Variants in MYO5B observed in about 807,000 individuals in gnomAD.
MYO5B encodes unconventional myosin-Vb.
In MYO5B, 143 loss-of-function variants were observed where a neutral mutation model predicts 229.3. That is an observed-to-expected ratio of 0.62 (90% confidence interval 0.54 to 0.72). The LOEUF (loss-of-function observed/expected upper bound fraction) is 0.72, where lower values mean the gene tolerates loss of function less well. Ranked by LOEUF, MYO5B falls within the 30% of genes least tolerant of loss-of-function variation. MYO5B has a pLI of 0.00. For missense variants in MYO5B, 2,321 were observed against 2,331.0 expected (o/e 1.00, Z 0.09); for synonymous variants, 918 against 885.2 (o/e 1.04, Z -0.66).
chr18:50,120,643 G>C (rs1243120320), intron 1 of MYO5B, among the ~76,000 whole-genome samples: 1 of 152,162 alleles, frequency 6.6e-6, no homozygotes, highest in East Asian at 1.9e-4. Context: ...TGAGTAAGCT[G>C]CTCGACCTCA....
At chr18:50,188,391 C>T (rs2033178508) in intron 1 of MYO5B, among the ~76,000 whole-genome samples, 1 of 152,170 alleles carries the variant, frequency 6.6e-6, no homozygotes, top group Non-Finnish European at 1.5e-5. Context: ...TATGTGCACT[C>T]CTCTAATGAC....
chr18:49,988,191 G>A (rs1439806179), intron 7 of MYO5B, among the ~76,000 whole-genome samples: 1 of 152,172 alleles, frequency 6.6e-6, no homozygotes. Flanking sequence ...ATATGAAGCA[G>A]GTCCAAATAT....
chr18:49,953,528 T>C (rs1246923446), intron 13 of MYO5B, among the ~76,000 whole-genome samples, 185 bp from the exon 14 acceptor site: 2 of 152,216 alleles, frequency 1.3e-5, no homozygotes, highest in Admixed American at 1.3e-4. Context: ...AACTGAGTAT[T>C]CATTTTGTGG....
At chr18:50,172,242 T>C (rs960981895) in intron 1 of MYO5B, among the ~76,000 whole-genome samples, 10 of 145,300 alleles carry the variant, frequency 6.9e-5, no homozygotes, top group African/African-American at 2.6e-4. Flanking sequence ...GATCACGCCA[T>C]TGCACTCCAG....
At chr18:49,967,147 G>A (rs1383196040) in intron 10 of MYO5B, among the ~76,000 whole-genome samples, 1 of 152,120 alleles carries the variant, frequency 6.6e-6, no homozygotes, top group Non-Finnish European at 1.5e-5. Flanking sequence ...CTGAAATGTG[G>A]CATCTGGTCT....
chr18:49,864,347 T>G lies in MYO5B; in HGVS notation c.3637A>C (p.Lys1213Gln), dbSNP rs1187307468. The change falls in exon 28 of 40, where the codon AAG becomes CAG. Residue 1213 changes from lysine to glutamine, a missense_variant. Lys to Gln is a moderately conservative substitution (Grantham distance 53). Around this residue, in one of 2 missense-constraint regions of MYO5B, gnomAD observed 2,113 missense variants for 2,044.7 expected, o/e 1.03. Coordinates refer to ENST00000285039, the MANE Select transcript of MYO5B (RefSeq NM_001080467.3). The stretch of plus-strand genomic sequence containing the variant: ...TTCCTCAGCTCATTCAGGTCATTCT[T>G]CAGCTTTTTGTTCTCTGACTCCAGC... ...QELESENKKL[K>Q]NDLNELRKAV... The G allele has an allele frequency of 6.2e-7, 1 of 1,613,878 alleles. No individual in the cohort carries two copies. Among genetic ancestry groups the G allele is most frequent in the African/African-American group, 1.3e-5 (1 of 74,948 alleles).
intron 5 of MYO5B, among the ~76,000 whole-genome samples, chr18:49,998,334 CATTT>C (rs910408476): frequency 6.6e-6 from 1 of 152,142 alleles, no homozygotes; most frequent in Non-Finnish European, 1.5e-5. Flanking sequence ...ACCACTGTAG[CATTT>C]ATTTACATGA....
intron 5 of MYO5B, among the ~76,000 whole-genome samples, chr18:49,999,629 C>T (rs1391810807): frequency 6.6e-6 from 1 of 152,200 alleles, no homozygotes; most frequent in Non-Finnish European, 1.5e-5. Context: ...TATCAGCAGG[C>T]TGTAGTATTA....
chr18:50,048,017 A>C (rs2030284536), intron 2 of MYO5B, among the ~76,000 whole-genome samples: 1 of 151,896 alleles, frequency 6.6e-6, no homozygotes, highest in East Asian at 1.9e-4. Context: ...GCAGCACACC[A>C]ACATGGCACA....
chr18:50,178,712 C>T (rs562619164), intron 1 of MYO5B, among the ~76,000 whole-genome samples: 2 of 152,178 alleles, frequency 1.3e-5, no homozygotes, highest in Admixed American at 6.5e-5. Context: ...CTTTGGCCAG[C>T]ATTTAGGCAG....
chr18:49,902,774 G>T lies in MYO5B; in HGVS notation c.2631C>A (p.Arg877=). ...CATCCCGCAGCCGCTGGAAGTGCCT[G>T]CGTGCCATCCAGCCCCGCACGTGCT... ...IQKHVRGWMA[R]RHFQRLRDAA... Residue 877 remains arginine (R), a synonymous_variant, in exon 21 of 40, where the codon CGC becomes CGA. Transcript: ENST00000285039. The T allele has an allele frequency of 6.2e-7, 1 of 1,604,964 alleles. No homozygotes were observed.
intron 1 of MYO5B, among the ~76,000 whole-genome samples, chr18:50,191,248 G>C (rs1442578635): frequency 1.3e-5 from 2 of 152,116 alleles, no homozygotes; most frequent in African/African-American, 2.4e-5. Flanking sequence ...TACTGTCTTG[G>C]GTCCCAGAAA....
At chr18:49,843,801 G>C (rs184916512) in intron 33 of MYO5B, among the ~76,000 whole-genome samples, 2 of 152,208 alleles carry the variant, frequency 1.3e-5, no homozygotes, top group African/African-American at 4.8e-5. Flanking sequence ...CTCCTGATTC[G>C]TGGGCACCAC....
At chr18:49,928,136 T>C (rs1447425019) in intron 17 of MYO5B, among the ~76,000 whole-genome samples, 1 of 151,818 alleles carries the variant, frequency 6.6e-6, no homozygotes, top group Non-Finnish European at 1.5e-5. Context: ...TGTGAAAAAA[T>C]GCTCAACATC....
At chr18:50,038,577 A>G (rs915447524) in intron 3 of MYO5B, among the ~76,000 whole-genome samples, 5 of 152,168 alleles carry the variant, frequency 3.3e-5, no homozygotes, top group Non-Finnish European at 7.4e-5. Context: ...CGTAGCACGC[A>G]ATTCACATTT....
At chr18:50,031,502 A>C (rs1302561224) in intron 4 of MYO5B, among the ~76,000 whole-genome samples, 1 of 152,212 alleles carries the variant, frequency 6.6e-6, no homozygotes, top group Non-Finnish European at 1.5e-5. Context: ...AGCACCAATC[A>C]TATGCACTGG....
chr18:50,098,098 G>A (rs920478574), intron 1 of MYO5B, among the ~76,000 whole-genome samples: 2 of 152,150 alleles, frequency 1.3e-5, no homozygotes, highest in Admixed American at 6.5e-5. Context: ...TCAGAGTAAA[G>A]AATTCCCTTC....
At position 49,992,436 on chromosome 18, in the gene MYO5B, A is replaced by G; in HGVS notation, c.613-5T>C. The G allele has an allele frequency of 1.9e-6, 3 of 1,614,088 alleles. No individual in the cohort carries two copies. Among genetic ancestry groups the G allele is most frequent in the Non-Finnish European group, 2.5e-6 (3 of 1,180,002 alleles). On this transcript the variant is annotated splice_polypyrimidine_tract_variant and splice_region_variant and intron_variant, in intron 5 of 39. Transcript: ENST00000285039. ...GGTCTTGGCATTTCCAATGGCCTGC[A>G]CAGACCAGACAGACAAAGGTATGAA...
intron 1 of MYO5B, among the ~76,000 whole-genome samples, chr18:50,083,815 A>T (rs533302458): frequency 2.0e-5 from 3 of 152,302 alleles, no homozygotes; most frequent in Non-Finnish European, 2.9e-5. Context: ...GATACCCAAG[A>T]TAACCAGGGA....
Sources: gnomAD v4.1 joint callset for allele counts (sites outside exome capture counted in the v4.1 genomes callset) on GRCh38, gnomAD v4.1.1 for gene constraint, gnomAD v4.1.1 regional missense constraint, MANE v1.5 for transcripts, NCBI Gene and HGNC (gene_info 2026-07-23, HGNC 2026-07-21) for gene names.